RASGRF2: variants seen among roughly 807,000 people sequenced by gnomAD.
RASGRF2 encodes Ras protein specific guanine nucleotide releasing factor 2.
A neutral mutation model predicts 151.0 loss-of-function variants in RASGRF2; 76 were observed. The ratio of observed to expected loss-of-function variants is 0.50; its 90% CI spans 0.42 to 0.61. The LOEUF is 0.61. RASGRF2 is among the 20% of genes least tolerant of loss of function. The probability of loss-of-function intolerance (pLI) is 0.00; values close to 1 mark genes in which losing one functional copy is unlikely to be tolerated. For synonymous variants in RASGRF2, 504 were observed against 566.5 expected, an observed-to-expected ratio of 0.89 and a Z score of 1.57; for missense variants, 1,148 against 1,564.6, an observed-to-expected ratio of 0.73 and a Z score of 4.49.
intron 1 of RASGRF2, among the ~76,000 whole-genome samples, chr5:80,969,867 C>CAT (rs1747874237): frequency 8.6e-6 from 1 of 116,568 alleles, no homozygotes; most frequent in Non-Finnish European, 1.6e-5. Context: ...GCTCTTGTTG[C>CAT]CCAGGCTGGA....
At chr5:80,964,550 CAA>C (rs1747665591) in intron 1 of RASGRF2, among the ~76,000 whole-genome samples, 1 of 152,076 alleles carries the variant, frequency 6.6e-6, no homozygotes, top group Non-Finnish European at 1.5e-5. Context: ...GGGAGATGAT[CAA>C]AGTCCAGTTG....
chr5:81,093,067 T>G, intron 10 of RASGRF2, 106 bp downstream of exon 10: 5 of 1,185,232 alleles, frequency 4.2e-6, no homozygotes, highest in Non-Finnish European at 5.9e-6. Flanking sequence ...TAAAACAGAT[T>G]GTCATGATTG....
intron 15 of RASGRF2, among the ~76,000 whole-genome samples, chr5:81,114,509 A>T (rs1173733417): frequency 3.3e-5 from 5 of 152,196 alleles, no homozygotes; most frequent in Admixed American, 6.5e-5. Context: ...TAGTTTTTTT[A>T]AAATGTTGAT....
chr5:81,106,471 G>A (rs1036287609), intron 12 of RASGRF2, among the ~76,000 whole-genome samples: 1 of 152,104 alleles, frequency 6.6e-6, no homozygotes, highest in Non-Finnish European at 1.5e-5. Flanking sequence ...AACCCTCAGT[G>A]GCTTCCCATC....
chr5:81,195,606 A>T, intron 18 of RASGRF2, among the ~76,000 whole-genome samples: 1 of 150,438 alleles, frequency 6.6e-6, no homozygotes, highest in East Asian at 2.0e-4. Context: ...AAACAAAGGT[A>T]ATGTAAGGTC....
rs775858208 is a variant in RASGRF2, at chr5:81,068,159, A to G, written c.523A>G (p.Ile175Val). ...TCAACTTGAAGATCAAGACACAGAA[A>G]TCGAAAGGCTTAAATCAGAGGTATT... ...RHQLEDQDTEIERLKSEIIAL... is the reference protein window; with the variant it reads ...RHQLEDQDTEVERLKSEIIAL... Residue 175 changes from isoleucine to valine, a missense_variant, in exon 3 of 27, where the codon ATC becomes GTC. Ile to Val is a conservative substitution (Grantham distance 29). Around this residue, in one of 5 missense-constraint regions of RASGRF2, gnomAD observed 221 missense variants for 271.3 expected, o/e 0.81. Transcript: ENST00000265080. 7.4e-6 allele frequency: 12 copies of G among 1,612,348 alleles called. No individual in the cohort carries two copies. In the East Asian group the frequency reaches 2.7e-4, roughly 36 times the overall value.
intron 3 of RASGRF2, 120 bp downstream of exon 3, chr5:81,068,299 C>T (rs1751670854): frequency 8.5e-7 from 1 of 1,182,196 alleles, no homozygotes; most frequent in Admixed American, 2.4e-5. Flanking sequence ...CTGACATCAA[C>T]ACATACGTGG....
intron 18 of RASGRF2, among the ~76,000 whole-genome samples, chr5:81,180,708 C>A (rs1213006994): frequency 1.5e-5 from 2 of 135,866 alleles, no homozygotes; most frequent in Non-Finnish European, 3.1e-5. Flanking sequence ...ACCTCACGGT[C>A]CCCCCTGGAG....
intron 1 of RASGRF2, among the ~76,000 whole-genome samples, chr5:80,984,939 G>A (rs1162168020): frequency 6.6e-6 from 1 of 152,222 alleles, no homozygotes; most frequent in South Asian, 2.1e-4. Context: ...GGCCTGTGTA[G>A]TGGCTTATGC....
intron 17 of RASGRF2, among the ~76,000 whole-genome samples, chr5:81,178,512 A>C (rs959102943): frequency 2.6e-5 from 4 of 152,184 alleles, no homozygotes; most frequent in Non-Finnish European, 5.9e-5. Flanking sequence ...CAGAGAAGAG[A>C]TCTGGAGATA....
At chr5:81,213,724 T>C (rs1042305166) in intron 23 of RASGRF2, among the ~76,000 whole-genome samples, 6 of 152,168 alleles carry the variant, frequency 3.9e-5, no homozygotes, top group Non-Finnish European at 7.3e-5. Flanking sequence ...CTATCTTTTA[T>C]CTTACCTTTC....
chr5:81,066,893 C>T (rs932569611), intron 2 of RASGRF2, among the ~76,000 whole-genome samples: 4 of 152,196 alleles, frequency 2.6e-5, no homozygotes, highest in Non-Finnish European at 5.9e-5. Flanking sequence ...TTGCCATGGC[C>T]CAAGTTCCCA....
At position 81,113,895 on chromosome 5, in the gene RASGRF2, C is replaced by T. The variant is rs1333684645; in HGVS notation, c.2445C>T (p.Asn815=). 3.1e-6 allele frequency: 5 copies of T among 1,613,732 alleles called. No individual in the cohort carries two copies. The highest frequency in any genetic ancestry group is 4.2e-6 in the Non-Finnish European group (5 of 1,179,812). The change falls in exon 15 of 27, where the codon AAC becomes AAT. Residue 815 remains asparagine, a synonymous_variant. Transcript: ENST00000265080. ...ATAACCCACGCGTGGATCTGTGTAA[C>T]AAGCTAAAACGAAGTATTCAAAAAG... ...NVDNPRVDLC[N]KLKRSIQKAV... is the part of the protein sequence containing the mutation.
rs773386483 is a variant in RASGRF2 at position 81,207,263 on chromosome 5, C to T, written c.2985C>T (p.Ala995=). The change falls in exon 21 of 27, where the codon GCC becomes GCT. Residue 995 remains alanine, a synonymous_variant. Transcript: ENST00000265080. The stretch of plus-strand genomic sequence containing the variant: ...TCTTGCAGACTGACTGCATGAAGGC[C>T]GAATGCTTTGAGTCCTTGTCGGCCA... ...DIIQMTDCMK[A]ECFESLSAME... 2.0e-5 allele frequency: 33 copies of T among 1,614,000 alleles called. No homozygotes were observed. Among genetic ancestry groups the T allele is most frequent in the East Asian group, 1.1e-4 (5 of 44,882 alleles).
chr5:80,999,498 A>G (rs373911567), intron 1 of RASGRF2, among the ~76,000 whole-genome samples: 1 of 152,176 alleles, frequency 6.6e-6, no homozygotes, highest in Admixed American at 6.5e-5. Flanking sequence ...GCGTGCCACC[A>G]TGCCTGGAAT....
At chr5:81,163,801 AAGAACCCTT>A (rs1754442684) in intron 17 of RASGRF2, among the ~76,000 whole-genome samples, 1 of 152,162 alleles carries the variant, frequency 6.6e-6, no homozygotes, top group Non-Finnish European at 1.5e-5. Context: ...TTACTCATTC[AAGAACCCTT>A]AGAAGGTGGA....
chr5:81,150,526 G>A (rs1021597089), intron 17 of RASGRF2, among the ~76,000 whole-genome samples: 2 of 152,050 alleles, frequency 1.3e-5, no homozygotes, highest in Non-Finnish European at 2.9e-5. Context: ...AGCCCCTATC[G>A]TCAAGGCAGA....
chr5:81,198,429 C>T lies in RASGRF2; in HGVS notation c.2794-2901C>T, dbSNP rs1304508523. On this transcript the variant is annotated intron_variant, in intron 18 of 26. Transcript: ENST00000265080. ...ATGGCCTGTATCTTCATCCATGTTG[C>T]TTTATAGAACATGATTTTTTTTTTT... Among the ~76,000 whole-genome samples, 18 of 149,722 alleles carry T rather than the reference C, an allele frequency of 1.2e-4. No homozygotes were observed. In the Admixed American group the frequency reaches 1.2e-3, roughly 10 times the overall value.
At chr5:81,073,491 C>A (rs1236300445) in intron 5 of RASGRF2, 39 bp downstream of exon 5, 4 of 1,565,074 alleles carry the variant, frequency 2.6e-6, no homozygotes, top group Non-Finnish European at 3.5e-6. Flanking sequence ...TGAGAAAAAC[C>A]CCTTTGTATT....
Sources: gnomAD v4.1 joint callset for allele counts (sites outside exome capture counted in the v4.1 genomes callset) on GRCh38, gnomAD v4.1.1 for gene constraint, gnomAD v4.1.1 regional missense constraint, MANE v1.5 for transcripts, NCBI Gene and HGNC (gene_info 2026-07-23, HGNC 2026-07-21) for gene names.